Variants in DENND2B observed in about 807,000 individuals in gnomAD.
DENND2B encodes DENN domain-containing protein 2B.
DENND2B carries 32 observed loss-of-function variants against 116.0 expected under a neutral mutation model. That is an observed-to-expected ratio of 0.28 (90% CI 0.21 to 0.37). DENND2B has a LOEUF of 0.37. Among genes scored for constraint, DENND2B ranks in the 10% least tolerant of loss-of-function variants. The pLI is 1.00. For synonymous variants in DENND2B, 588 were observed against 583.9 expected (o/e 1.01, Z -0.10); for missense variants, 1,276 against 1,477.7 (o/e 0.86, Z 2.24).
intron 1 of DENND2B, among the ~76,000 whole-genome samples, chr11:8,762,785 G>C (rs574247477): frequency 1.3e-5 from 2 of 152,272 alleles, no homozygotes; most frequent in African/African-American, 4.8e-5. Context: ...GCTTGAACCC[G>C]GGAGGCAGAG....
rs755986669 is a variant in DENND2B, at chr11:8,730,791, T to A, written c.499A>T (p.Lys167Ter). 6.2e-7 allele frequency: 1 copy of A among 1,612,992 alleles called. No individual in the cohort carries two copies. Among genetic ancestry groups the A allele is most frequent in the Non-Finnish European group, 8.5e-7 (1 of 1,179,958 alleles). The change falls in exon 3 of 20, where the codon AAG (lysine) becomes TAG (stop). Residue 167 changes from lysine to a stop codon, truncating the protein, a stop_gained. Transcript: ENST00000313726. LOFTEE classifies it high-confidence loss of function. This position sits in a 1 kb window ranked among gnomAD's most constrained non-coding sequence, Gnocchi z 4.1. ...CGGCGACCTTCCCATGCTGATATCT[T>A]CTCCCGGATGCCCAGGCTGTGGGCG... ...TRAHSLGIREKISAWEGRREA... is the reference protein window; with the variant it reads ...TRAHSLGIRE
intron 4 of DENND2B, among the ~76,000 whole-genome samples, chr11:8,837,837 G>A (rs2568025): frequency 0.6 from 91,879 of 152,008 alleles, 29,290 homozygotes; most frequent in Non-Finnish European, 0.7. Flanking sequence ...CAACTTCCAA[G>A]GACCAATCTC....
chr11:8,808,622 CAG>C (rs2061093403), intron 1 of DENND2B: 2 of 152,226 alleles, frequency 1.3e-5, no homozygotes, highest in Non-Finnish European at 2.9e-5. Context: ...AGAACCAGAA[CAG>C]AGAGGCAAAG....
chr11:8,771,562 A>AGG (rs2056889324), intron 1 of DENND2B: 1 of 137,606 alleles, frequency 7.3e-6, no homozygotes, highest in African/African-American at 2.5e-5. Context: ...AGAGAGAGAG[A>AGG]GAGAGCCTTC....
chr11:8,714,126 A>AG, intron 7 of DENND2B, 84 bp from the exon 8 acceptor site: 1 of 1,367,418 alleles, frequency 7.3e-7, no homozygotes, highest in Non-Finnish European at 1.0e-6. Flanking sequence ...CTTTTCTCAC[A>AG]GGGGATGGAT....
intron 3 of DENND2B, among the ~76,000 whole-genome samples, chr11:8,840,640 G>C (rs957461494): frequency 1.3e-5 from 2 of 152,282 alleles, no homozygotes; most frequent in East Asian, 3.9e-4. Context: ...CGGCCAAGAT[G>C]AAAGTTTTTA....
intron 2 of DENND2B, among the ~76,000 whole-genome samples, chr11:8,878,938 T>G (rs1477245960): frequency 6.6e-6 from 1 of 152,178 alleles, no homozygotes; most frequent in African/African-American, 2.4e-5. Flanking sequence ...TTGAGAGTGG[T>G]GAAAATGTTT....
chr11:8,715,551 T>A (rs765574781), intron 6 of DENND2B, 52 bp downstream of exon 6: 1 of 1,582,438 alleles, frequency 6.3e-7, no homozygotes, highest in Non-Finnish European at 8.6e-7. Context: ...AAAGGCTGGC[T>A]GCCTGCCCGC....
chr11:8,753,494 A>T (rs926360109), intron 1 of DENND2B, among the ~76,000 whole-genome samples: 1 of 152,182 alleles, frequency 6.6e-6, no homozygotes, highest in Non-Finnish European at 1.5e-5. Context: ...CCCTAAATTG[A>T]TTTACAGACT....
intron 1 of DENND2B, among the ~76,000 whole-genome samples, chr11:8,762,375 G>A (rs1012522756): frequency 3.3e-5 from 5 of 152,152 alleles, no homozygotes; most frequent in Non-Finnish European, 7.3e-5. Flanking sequence ...CCTAGATAGG[G>A]TGAACAGCAG....
intron 4 of DENND2B, among the ~76,000 whole-genome samples, chr11:8,823,248 G>C (rs184099359): frequency 4.9e-4 from 75 of 152,160 alleles, no homozygotes; most frequent in Admixed American, 5.9e-4. Context: ...AATCTCTCTT[G>C]ATCTTTAAAG....
chr11:8,775,179 C>T (rs2057457707), intron 1 of DENND2B, among the ~76,000 whole-genome samples: 1 of 152,170 alleles, frequency 6.6e-6, no homozygotes, highest in East Asian at 1.9e-4. Context: ...CTGTGCCTGG[C>T]CCCCATCTGG....
chr11:8,697,569 T>C lies in DENND2B; in HGVS notation c.3008A>G (p.Lys1003Arg). Residue 1003 changes from lysine (K) to arginine (R), a missense_variant, in exon 17 of 20, where the codon AAG becomes AGG. Physicochemically the swap from Lys to Arg is conservative, Grantham distance 26 (BLOSUM62 2). Around this residue, in one of 2 missense-constraint regions of DENND2B, gnomAD observed 420 missense variants for 631.1 expected, o/e 0.67. Coordinates refer to ENST00000313726, the MANE Select transcript of DENND2B (RefSeq NM_213618.2). ...AGAGTCCTGGGAGATCAGCTCATTCTTCCTCTCCAGAGCCTGCTCCAGAGC... is the reference window on the plus strand; with the variant it reads ...AGAGTCCTGGGAGATCAGCTCATTCCTCCTCTCCAGAGCCTGCTCCAGAGC... ...QAALEQALER[K>R]NELISQDSDS... 2 of 1,614,218 alleles carry C rather than the reference T, an allele frequency of 1.2e-6. No homozygotes were observed. Among genetic ancestry groups the C allele is most frequent in the East Asian group, 4.5e-5 (2 of 44,886 alleles).
chr11:8,695,867 T>G, intron 18 of DENND2B: 1 of 408,232 alleles, frequency 2.4e-6, no homozygotes, highest in Non-Finnish European at 4.5e-6. Context: ...CTCTACCATG[T>G]TGTTCCAAAA....
At chr11:8,774,879 TA>T (rs2057416387) in intron 1 of DENND2B, among the ~76,000 whole-genome samples, 2 of 150,618 alleles carry the variant, frequency 1.3e-5, no homozygotes, top group African/African-American at 5.0e-5. Context: ...TTTTTTTAAT[TA>T]TTATTTTCAC....
intron 4 of DENND2B, chr11:8,835,456 T>C (rs928192059): frequency 2.6e-5 from 4 of 152,170 alleles, no homozygotes; most frequent in Non-Finnish European, 5.9e-5. Context: ...TTACCAGCTA[T>C]GATCAAAGCT....
intron 1 of DENND2B, among the ~76,000 whole-genome samples, chr11:8,910,090 T>C (rs984271703): frequency 2.6e-5 from 4 of 151,528 alleles, no homozygotes; most frequent in African/African-American, 9.7e-5. Context: ...AAAGATGGAG[T>C]CAGACCCCAA....
At position 8,694,102 on chromosome 11, in the gene DENND2B, C is replaced by A. The variant is rs1019454766; in HGVS notation, c.3408G>T (p.Lys1136Asn). 6.2e-7 allele frequency: 1 copy of A among 1,614,136 alleles called. No homozygotes were observed. Among genetic ancestry groups the A allele is most frequent in the Non-Finnish European group, 8.5e-7 (1 of 1,180,036 alleles). ...CTGCTACTGAGAAGGAGGCTTAATTCTTCTTGTGGAGAAACTTCATTTTGT... is the reference window on the plus strand; with the variant it reads ...CTGCTACTGAGAAGGAGGCTTAATTATTCTTGTGGAGAAACTTCATTTTGT... Reference protein sequence around the residue: ...LGNKMKFLHKKN With the variant: ...LGNKMKFLHKNN The change falls in exon 20 of 20, where the codon AAG becomes AAT. Residue 1136 changes from lysine (K) to asparagine (N), a missense_variant. Lys to Asn is a moderately conservative substitution (Grantham distance 94, BLOSUM62 0). Transcript: ENST00000313726.
intron 2 of DENND2B, among the ~76,000 whole-genome samples, chr11:8,877,777 A>G (rs2063860191): frequency 6.6e-6 from 1 of 152,196 alleles, no homozygotes; most frequent in South Asian, 2.1e-4. Flanking sequence ...CCCCCCAAAA[A>G]AATCACGATT....
Sources: allele counts gnomAD v4.1 joint callset (sites outside exome capture counted in the v4.1 genomes callset), GRCh38; gene constraint gnomAD v4.1.1; regional missense constraint gnomAD v4.1.1; non-coding constraint Gnocchi (gnomAD v3.1); transcripts MANE v1.5; gene names NCBI Gene and HGNC (gene_info 2026-07-23, HGNC 2026-07-21).